JADE2: variants seen among roughly 807,000 people sequenced by gnomAD.
The protein encoded by JADE2 is jade family PHD finger 2.
A neutral mutation model predicts 85.7 loss-of-function variants in JADE2; 13 were observed. That is an observed-to-expected ratio of 0.15 (90% confidence interval 0.10 to 0.24). The LOEUF is 0.24. JADE2 is among the 10% of genes least tolerant of loss of function. The probability of loss-of-function intolerance (pLI) is 1.00; values close to 1 mark genes in which losing one functional copy is unlikely to be tolerated. For missense variants in JADE2, 846 were observed against 1,115.9 expected, an observed-to-expected ratio of 0.76 and a Z score of 3.45; for synonymous variants, 440 against 456.1, an observed-to-expected ratio of 0.96 and a Z score of 0.45.
chr5:134,552,732 G>A (rs1171622100), intron 4 of JADE2, among the ~76,000 whole-genome samples: 1 of 152,120 alleles, frequency 6.6e-6, no homozygotes, highest in Non-Finnish European at 1.5e-5. Context: ...GAGTGCAGTG[G>A]TGCAGTCTTG....
intron 1 of JADE2, among the ~76,000 whole-genome samples, chr5:134,531,619 G>C (rs1761241795): frequency 6.6e-6 from 1 of 151,278 alleles, no homozygotes; most frequent in East Asian, 1.9e-4. Flanking sequence ...GTCCCACTCT[G>C]TTGTCCAGGC....
chr5:134,559,202 C>T (rs533552850), intron 4 of JADE2, among the ~76,000 whole-genome samples: 35 of 152,284 alleles, frequency 2.3e-4, no homozygotes, highest in African/African-American at 7.9e-4. Context: ...GGGCCGCAGC[C>T]GTGTAACCAG....
rs775523613 is a variant in JADE2, at chr5:134,538,104, CAG to C, written c.153+25_153+26del. The C allele has an allele frequency of 3.8e-6, 6 of 1,583,150 alleles. No individual in the cohort carries two copies. The East Asian group carries it at 1.3e-4, about 35-fold the overall frequency. On this transcript the variant is annotated intron_variant, in intron 3 of 11. Transcript: ENST00000681547. ...CCGAGGTGGGTAGTGATGAGCTTCC[CAG>C]AGATCTGTGGGGAGTGAGAGTGAGC...
At chr5:134,545,926 A>G (rs1043152579) in intron 3 of JADE2, among the ~76,000 whole-genome samples, 1 of 152,322 alleles carries the variant, frequency 6.6e-6, no homozygotes, top group South Asian at 2.1e-4. Flanking sequence ...CTTTTGGTGT[A>G]GACAGATGTC....
At chr5:134,572,383 G>A (rs56174576) in intron 9 of JADE2, among the ~76,000 whole-genome samples, 1,922 of 152,348 alleles carry the variant, frequency 0.013, 37 homozygotes, top group African/African-American at 0.044. Context: ...CATCCTTCAC[G>A]GCTGGGCTCA....
At chr5:134,527,744 C>G (rs879401283) in intron 1 of JADE2, among the ~76,000 whole-genome samples, 22 of 152,038 alleles carry the variant, frequency 1.4e-4, no homozygotes, top group Admixed American at 2.6e-4. Context: ...GCGCGCAACT[C>G]CCCTCCCAAT....
At chr5:134,526,920 A>G (rs1760872248) in intron 1 of JADE2, among the ~76,000 whole-genome samples, 1 of 151,794 alleles carries the variant, frequency 6.6e-6, no homozygotes, top group Non-Finnish European at 1.5e-5. Context: ...CCGCGGGGCG[A>G]CGGCAGGGGG....
Position 134,566,125 on chromosome 5 carries a change from C to A in JADE2, c.979C>A (p.Pro327Thr). The A allele has an allele frequency of 6.2e-7, 1 of 1,612,686 alleles. No individual in the cohort carries two copies. Among genetic ancestry groups the A allele is most frequent in the Non-Finnish European group, 8.5e-7 (1 of 1,179,100 alleles). ...CCTCCTTTCCCCTCAGTGTTCCATGCCTTCCTGCGTCACAGCGTTCCATGT... is the reference window on the plus strand; with the variant it reads ...CCTCCTTTCCCCTCAGTGTTCCATGACTTCCTGCGTCACAGCGTTCCATGT... ...CTGTCIQCSM[P>T]SCVTAFHVTC... Residue 327 changes from proline to threonine, a missense_variant, in exon 9 of 12, where the codon CCT becomes ACT. Physicochemically the swap from Pro to Thr is conservative, Grantham distance 38. Coordinates refer to ENST00000681547, the MANE Select transcript of JADE2 (RefSeq NM_001388185.1). This position sits in a 1 kb window ranked among gnomAD's most constrained non-coding sequence, Gnocchi z 6.7.
rs1450110999 is a variant in JADE2 at position 134,579,118 on chromosome 5, C to T, written c.2306C>T (p.Pro769Leu). The T allele has an allele frequency of 1.9e-6, 3 of 1,614,196 alleles. No individual in the cohort carries two copies. The highest frequency in any genetic ancestry group is 1.7e-5 in the Admixed American group (1 of 60,030). Residue 769 changes from proline to leucine, a missense_variant, in exon 12 of 12, where the codon CCT (proline) becomes CTT (leucine). Pro to Leu is a moderately conservative substitution (Grantham distance 98). Coordinates refer to ENST00000681547, the MANE Select transcript of JADE2 (RefSeq NM_001388185.1). The surrounding 1 kb of genome is among the most constrained non-coding windows in gnomAD (Gnocchi z 4.6). ...ACCCGGAGATTGCCGGGTGCCAGGC[C>T]TGATGCTGGGATGGGACCACCTTCA... ...KVTRRLPGAR[P>L]DAGMGPPSAV...
At chr5:134,565,826 C>CA (rs67913190) in intron 8 of JADE2, among the ~76,000 whole-genome samples, 100,964 of 141,566 alleles carry the variant, frequency 0.71, 36,235 homozygotes, top group Non-Finnish European at 0.76. Flanking sequence ...GACTCTGTCT[C>CA]AAAAAAAAAA....
intron 3 of JADE2, among the ~76,000 whole-genome samples, chr5:134,540,080 CTG>C (rs1761878149): frequency 6.6e-6 from 1 of 152,156 alleles, no homozygotes; most frequent in Non-Finnish European, 1.5e-5. Context: ...GAAGCTCTCA[CTG>C]CCCTCCTGGG....
In JADE2 at chr5:134,579,351, G is replaced by T. The variant is rs1329785558; in HGVS notation, c.*34G>T. 5 of 1,496,878 alleles carry T rather than the reference G, an allele frequency of 3.3e-6. No individual in the cohort carries two copies. Among genetic ancestry groups the T allele is most frequent in the Non-Finnish European group, 3.6e-6 (4 of 1,116,040 alleles). 92.7% of individuals were successfully genotyped at this position (1,496,878 alleles called of 1,614,324 possible). ...CTTCCCTGTCCCAGGCCCTGCCCTG[G>T]TCCCCCCACAAGGCCTCAGCCCAGT... is the stretch of plus-strand genomic sequence containing the variant. On this transcript the variant is annotated 3_prime_UTR_variant, in exon 12 of 12. Transcript: ENST00000681547. The surrounding 1 kb of genome is among the most constrained non-coding windows in gnomAD (Gnocchi z 4.6).
chr5:134,552,009 TGAGG>T lies in JADE2; in HGVS notation c.154-42_154-39del, dbSNP rs200520249. On this transcript the variant is annotated intron_variant, in intron 3 of 11. Transcript: ENST00000681547. Reference sequence around the variant, plus strand: ...CTCTGGCCTGTGGGGCAGACTGCCCTGAGGCAGTCTGAAGTCACTCTTTCCCCTC... The same window carrying T: ...CTCTGGCCTGTGGGGCAGACTGCCCTCAGTCTGAAGTCACTCTTTCCCCTC... The T allele has an allele frequency of 1.2e-3, 1,979 of 1,603,322 alleles. 16 individuals are homozygous for T. The African/African-American group carries it at 0.02, about 16-fold the overall frequency.
At chr5:134,529,384 G>T (rs1386614283) in intron 1 of JADE2, among the ~76,000 whole-genome samples, 1 of 152,166 alleles carries the variant, frequency 6.6e-6, no homozygotes, top group Non-Finnish European at 1.5e-5. Context: ...GAACTTGTAG[G>T]CCTGTACACT....
rs941209662 is a variant in JADE2 at position 134,525,737 on chromosome 5, G to A, written c.-275G>A. ...CATCGCAGTTGGAGGCTATTTTTTG[G>A]GGGGGGTGAGTAGCGTCCATGGAGT... On this transcript the variant is annotated 5_prime_UTR_variant, in exon 1 of 12. Transcript: ENST00000681547. 8 of 1,230,484 alleles carry A rather than the reference G, an allele frequency of 6.5e-6. No individual in the cohort carries two copies. The highest frequency in any genetic ancestry group is 6.2e-6 in the Non-Finnish European group (6 of 964,182). The allele number at this position is 1,230,484 out of a possible 1,614,324, so 76.2% of individuals were successfully genotyped here.
chr5:134,535,831 G>C (rs1237320625), intron 1 of JADE2, 27 bp from the exon 2 acceptor site: 8 of 1,610,596 alleles, frequency 5.0e-6, no homozygotes, highest in Non-Finnish European at 5.9e-6. Context: ...CCATCCGTGA[G>C]TATAATGGGC....
chr5:134,550,184 C>T (rs1314998963), intron 3 of JADE2, among the ~76,000 whole-genome samples: 3 of 152,234 alleles, frequency 2.0e-5, no homozygotes, highest in Admixed American at 2.0e-4. Context: ...CACACTGGCA[C>T]CCTAATTAAA....
intron 4 of JADE2, among the ~76,000 whole-genome samples, chr5:134,555,144 C>A (rs902970322): frequency 1.4e-4 from 21 of 152,124 alleles, no homozygotes; most frequent in African/African-American, 5.1e-4. Flanking sequence ...CCCAGGCCCC[C>A]TCTGTCCCTC....
In JADE2 at chr5:134,525,978, G is replaced by A. The variant is rs1240466698; in HGVS notation, c.-34G>A. The A allele has an allele frequency of 4.1e-6, 4 of 985,638 alleles. No homozygotes were observed. Among genetic ancestry groups the A allele is most frequent in the Non-Finnish European group, 4.8e-6 (4 of 830,158 alleles). 61.1% of individuals were successfully genotyped at this position (985,638 alleles called of 1,614,324 possible). On this transcript the variant is annotated 5_prime_UTR_variant, in exon 1 of 12. Transcript: ENST00000681547. ...GTCCCTGCAGCGGCGCGTAGCCGAG[G>A]GCAGCGCCCGTCAGGGGGGCACCGC...
Sources: gnomAD v4.1 joint callset for allele counts (sites outside exome capture counted in the v4.1 genomes callset) on GRCh38, gnomAD v4.1.1 for gene constraint, Gnocchi (gnomAD v3.1) non-coding constraint, MANE v1.5 for transcripts, NCBI Gene and HGNC (gene_info 2026-07-23, HGNC 2026-07-21) for gene names.